Variants in MAPKAPK5 observed in about 807,000 individuals in gnomAD.
MAPKAPK5 encodes the protein MAPK activated protein kinase 5.
MAPKAPK5 carries 30 observed loss-of-function variants against 65.1 expected under a neutral mutation model. The ratio of observed to expected loss-of-function variants is 0.46; its 90% CI spans 0.34 to 0.63. MAPKAPK5 has a LOEUF of 0.63. Ranked by LOEUF, MAPKAPK5 falls within the 20% of genes least tolerant of loss-of-function variation. The pLI is 0.01. For synonymous variants in MAPKAPK5, 179 were observed against 204.6 expected, an observed-to-expected ratio of 0.87 and a Z score of 1.07; for missense variants, 433 against 581.4, an observed-to-expected ratio of 0.74 and a Z score of 2.63.
intron 13 of MAPKAPK5, among the ~76,000 whole-genome samples, chr12:111,891,721 C>T (rs1365293404): frequency 8.7e-5 from 13 of 150,276 alleles, no homozygotes; most frequent in Non-Finnish European, 1.8e-4. Context: ...GCAGGAGAAT[C>T]GCTTGAACCT....
chr12:111,882,287 T>C (rs2070260819), intron 8 of MAPKAPK5, among the ~76,000 whole-genome samples: 1 of 151,924 alleles, frequency 6.6e-6, no homozygotes, highest in Non-Finnish European at 1.5e-5. Flanking sequence ...GACTGAGGCA[T>C]GAGAATCGCT....
chr12:111,880,234 A>C (rs1453097073), intron 7 of MAPKAPK5: 2 of 552,422 alleles, frequency 3.6e-6, no homozygotes, highest in African/African-American at 3.8e-5. Flanking sequence ...CTTCATCTTC[A>C]TGTCCTTGAC....
chr12:111,881,096 C>CAA (rs2070191341), intron 8 of MAPKAPK5, among the ~76,000 whole-genome samples: 1 of 151,920 alleles, frequency 6.6e-6, no homozygotes, highest in South Asian at 2.1e-4. Context: ...TTTTTTGAGA[C>CAA]AGAGTCTCGC....
Position 111,870,746 on chromosome 12 carries a change from A to G in MAPKAPK5, c.484-339A>G, listed in dbSNP as rs541567108. 2.0e-5 allele frequency among the ~76,000 whole-genome samples: 3 copies of G among 152,282 alleles called. No homozygotes were observed. In the East Asian group the frequency reaches 5.8e-4, roughly 29 times the overall value. ...CTGTCTATCATGAAGCTTATGGCAG[A>G]TATTAAAAGTGAAGTAGCATCCCAG... On this transcript the variant is annotated intron_variant, in intron 6 of 13. Transcript: ENST00000550735.
intron 1 of MAPKAPK5, among the ~76,000 whole-genome samples, chr12:111,855,828 G>C (rs905562213): frequency 7.0e-6 from 1 of 143,398 alleles, no homozygotes; most frequent in Non-Finnish European, 1.5e-5. Context: ...TCCATCTCAA[G>C]AAAAAAAAAT....
Position 111,868,788 on chromosome 12 carries a change from G to T in MAPKAPK5, c.320G>T (p.Gly107Val). 3 of 1,570,936 alleles carry T rather than the reference G, an allele frequency of 1.9e-6. No individual in the cohort carries two copies. Among genetic ancestry groups the T allele is most frequent in the Non-Finnish European group, 1.7e-6 (2 of 1,158,082 alleles). The change falls in exon 5 of 14, where the codon GGG (glycine) becomes GTG (valine). Residue 107 changes from glycine to valine, a missense_variant. Gly to Val is a moderately radical substitution (Grantham distance 109). Coordinates refer to ENST00000550735, the MANE Select transcript of MAPKAPK5 (RefSeq NM_003668.4). ...TTAATTGTAATGGAGATGATGGAAG[G>T]GGGAGAGCTATTTCACAGAATCAGC... Reference protein sequence around the residue: ...RLLIVMEMMEGGELFHRISQH... With the variant: ...RLLIVMEMMEVGELFHRISQH...
At position 111,885,922 on chromosome 12, in the gene MAPKAPK5, G is replaced by C. The variant is rs543074702; in HGVS notation, c.855G>C (p.Leu285=). ...GTTGGCGTTTTCTCCACAGGCTCCTGAAGGTCAAACCGGAGGAGAGACTCA... is the reference window on the plus strand; with the variant it reads ...GTTGGCGTTTTCTCCACAGGCTCCTCAAGGTCAAACCGGAGGAGAGACTCA... ...EMAKDVVRKL[L]KVKPEERLTI... The change falls in exon 10 of 14, where the codon CTG becomes CTC. Residue 285 remains leucine, a synonymous_variant. Coordinates refer to ENST00000550735, the MANE Select transcript of MAPKAPK5 (RefSeq NM_003668.4). 1 of 1,613,972 alleles carries C rather than the reference G, an allele frequency of 6.2e-7. No individual in the cohort carries two copies. The highest frequency in any genetic ancestry group is 1.1e-5 in the South Asian group (1 of 91,080).
At chr12:111,871,776 C>T (rs1207549909) in intron 7 of MAPKAPK5, among the ~76,000 whole-genome samples, 2 of 152,216 alleles carry the variant, frequency 1.3e-5, no homozygotes, top group African/African-American at 4.8e-5. Context: ...ATGGCGACCA[C>T]CACATTGAAG....
At chr12:111,879,152 C>G (rs1444935652) in intron 7 of MAPKAPK5, among the ~76,000 whole-genome samples, 1 of 152,116 alleles carries the variant, frequency 6.6e-6, no homozygotes, top group Non-Finnish European at 1.5e-5. Flanking sequence ...TATGAGCAAG[C>G]TGTATCACTC....
chr12:111,842,819 C>T (rs780874770), intron 1 of MAPKAPK5, 50 bp downstream of exon 1: 7 of 1,285,568 alleles, frequency 5.4e-6, no homozygotes, highest in South Asian at 6.7e-5. Context: ...TGGCGTTCTT[C>T]TCGGCTCTAG....
At chr12:111,889,666 C>A in intron 12 of MAPKAPK5, 2 of 208,922 alleles carry the variant, frequency 9.6e-6, no homozygotes, top group East Asian at 1.1e-4. Context: ...TGTAGTGTAC[C>A]TCAGATAGCT....
intron 4 of MAPKAPK5, 129 bp downstream of exon 4, chr12:111,867,798 C>A: frequency 1.5e-6 from 1 of 682,744 alleles, no homozygotes; most frequent in Non-Finnish European, 2.6e-6. Flanking sequence ...CTCTGCCCTT[C>A]CTTCTCCCCC....
Position 111,866,152 on chromosome 12 carries a change from C to G in MAPKAPK5, c.111-4C>G, listed in dbSNP as rs944738002. The G allele has an allele frequency of 6.3e-7, 1 of 1,599,090 alleles. No homozygotes were observed. Among genetic ancestry groups the G allele is most frequent in the Non-Finnish European group, 8.5e-7 (1 of 1,173,564 alleles). On this transcript the variant is annotated splice_polypyrimidine_tract_variant and splice_region_variant and intron_variant, in intron 2 of 13. Transcript: ENST00000550735. The stretch of plus-strand genomic sequence containing the variant: ...TCTGATTGATTTTTTTTCTCCAAAT[C>G]TAGAGTCTGTGTAAAGAAATCTACT...
chr12:111,900,736 G>A lies in MAPKAPK5; in HGVS notation c.*7675G>A, dbSNP rs1158481766. On this transcript the variant is annotated 3_prime_UTR_variant, in exon 14 of 14. Transcript: ENST00000550735. Reference sequence around the variant, plus strand: ...TTTCACCGTAAGGGATATCCTTGCTGTCCTTCTAGTCGTTCCTGTGATCTC... The same window carrying A: ...TTTCACCGTAAGGGATATCCTTGCTATCCTTCTAGTCGTTCCTGTGATCTC... 8.8e-6 allele frequency: 4 copies of A among 456,122 alleles called. No individual in the cohort carries two copies. Among genetic ancestry groups the A allele is most frequent in the African/African-American group, 2.0e-5 (1 of 50,214 alleles). The allele number at this position is 456,122 out of a possible 1,614,324, so 28.3% of individuals were successfully genotyped here. A position where few individuals can be genotyped will look rare whatever the true frequency, so the allele number is the denominator to read the frequency against.
intron 1 of MAPKAPK5, among the ~76,000 whole-genome samples, chr12:111,852,130 T>C (rs1026817371): frequency 2.0e-5 from 3 of 152,214 alleles, no homozygotes; most frequent in African/African-American, 7.2e-5. Flanking sequence ...GAATGGAACC[T>C]TCTGTGATAC....
chr12:111,870,735 G>A (rs969980836), intron 6 of MAPKAPK5, among the ~76,000 whole-genome samples: 1 of 152,146 alleles, frequency 6.6e-6, no homozygotes, highest in African/African-American at 2.4e-5. Flanking sequence ...CTATCATGAA[G>A]CTTATGGCAG....
chr12:111,863,494 T>G (rs1309146981), intron 1 of MAPKAPK5, among the ~76,000 whole-genome samples: 2 of 152,184 alleles, frequency 1.3e-5, no homozygotes, highest in Non-Finnish European at 2.9e-5. Context: ...AGTGAGTGTG[T>G]ATTACGTAAG....
chr12:111,849,742 A>G (rs948146464), intron 1 of MAPKAPK5, among the ~76,000 whole-genome samples: 5 of 151,774 alleles, frequency 3.3e-5, no homozygotes, highest in Admixed American at 6.6e-5. Flanking sequence ...TTGTTAGGAC[A>G]GTCTCACTCC....
intron 1 of MAPKAPK5, among the ~76,000 whole-genome samples, chr12:111,852,916 G>C (rs2069129401): frequency 6.6e-6 from 1 of 152,048 alleles, no homozygotes; most frequent in African/African-American, 2.4e-5. Flanking sequence ...TGGGATTACA[G>C]GCTTGCTTCA....
Sources: gnomAD v4.1 joint callset for allele counts (sites outside exome capture counted in the v4.1 genomes callset) on GRCh38, gnomAD v4.1.1 for gene constraint, MANE v1.5 for transcripts, NCBI Gene and HGNC (gene_info 2026-07-23, HGNC 2026-07-21) for gene names.